The following ANKS1B variants were observed in gnomAD, a reference collection of about 807,000 sequenced individuals.
The protein encoded by ANKS1B is ankyrin repeat and sterile alpha motif domain-containing protein 1B.
In ANKS1B, 36 loss-of-function variants were observed where a neutral mutation model predicts 148.3. The observed-to-expected ratio is 0.24, with a 90% CI of 0.19 to 0.32. ANKS1B has a LOEUF of 0.32. Among genes scored for constraint, ANKS1B ranks in the 10% least tolerant of loss-of-function variants. The probability of loss-of-function intolerance (pLI) is 1.00; values close to 1 mark genes in which losing one functional copy is unlikely to be tolerated. For synonymous variants in ANKS1B, 542 were observed against 560.8 expected (o/e 0.97, Z 0.47); for missense variants, 1,157 against 1,542.6 (o/e 0.75, Z 4.19).
At chr12:99,510,149 A>G (rs2096749969) in intron 9 of ANKS1B, among the ~76,000 whole-genome samples, 1 of 152,012 alleles carries the variant, frequency 6.6e-6, no homozygotes, top group South Asian at 2.1e-4. Flanking sequence ...AGATCACCCA[A>G]GAGCTCTGAT....
At chr12:99,833,535 AC>A (rs2084354286) in intron 1 of ANKS1B, among the ~76,000 whole-genome samples, 1 of 152,236 alleles carries the variant, frequency 6.6e-6, no homozygotes, top group South Asian at 2.1e-4. Context: ...TGAGGTTTCA[AC>A]CATGAACGAA....
chr12:98,864,129 CT>C (rs35024278), intron 17 of ANKS1B, among the ~76,000 whole-genome samples: 27,458 of 140,068 alleles, frequency 0.2, 2,648 homozygotes, highest in East Asian at 0.3. Context: ...GTCTGTGATG[CT>C]TTTTTTTTTT....
At chr12:98,894,612 C>T (rs961585797) in intron 17 of ANKS1B, 2 of 984,892 alleles carry the variant, frequency 2.0e-6, no homozygotes, top group Admixed American at 1.2e-4. Flanking sequence ...GCGAGGGGGC[C>T]GCTGTGCCGC....
chr12:99,819,932 G>C (rs943531217), intron 2 of ANKS1B, among the ~76,000 whole-genome samples: 5 of 151,644 alleles, frequency 3.3e-5, no homozygotes, highest in African/African-American at 7.3e-5. Context: ...AAGGTAGAGA[G>C]GAAGGCAGGT....
At chr12:99,785,531 G>C (rs1370457298) in intron 4 of ANKS1B, among the ~76,000 whole-genome samples, 1 of 151,876 alleles carries the variant, frequency 6.6e-6, no homozygotes, top group African/African-American at 2.4e-5. Context: ...TCTCCCAGGT[G>C]CAAGCGATTC....
At chr12:99,877,368 T>A (rs2092180245) in intron 1 of ANKS1B, among the ~76,000 whole-genome samples, 3 of 152,168 alleles carry the variant, frequency 2.0e-5, no homozygotes, top group Admixed American at 2.0e-4. Context: ...AGATAATCTA[T>A]TTTTCCCCAT....
intron 12 of ANKS1B, among the ~76,000 whole-genome samples, chr12:99,257,888 T>TCCCATC (rs2075460367): frequency 6.6e-6 from 1 of 152,152 alleles, no homozygotes; most frequent in Non-Finnish European, 1.5e-5. Flanking sequence ...ACACTATTAT[T>TCCCATC]CCCATCTGCA....
At chr12:99,400,042 T>G (rs2094359435) in intron 11 of ANKS1B, among the ~76,000 whole-genome samples, 1 of 152,138 alleles carries the variant, frequency 6.6e-6, no homozygotes, top group Non-Finnish European at 1.5e-5. Context: ...TAGGTTAGGC[T>G]TTTCATTTGC....
intron 9 of ANKS1B, among the ~76,000 whole-genome samples, chr12:99,535,683 C>T (rs1480151629): frequency 1.3e-5 from 2 of 152,068 alleles, no homozygotes; most frequent in Non-Finnish European, 2.9e-5. Flanking sequence ...ACATGCCTTA[C>T]CTCACAATTC....
intron 17 of ANKS1B, among the ~76,000 whole-genome samples, chr12:98,966,033 C>A (rs546413167): frequency 6.6e-6 from 1 of 152,070 alleles, no homozygotes; most frequent in African/African-American, 2.4e-5. Context: ...GCAACAAAAG[C>A]CAAAATTGAC....
intron 17 of ANKS1B, among the ~76,000 whole-genome samples, chr12:99,000,378 C>T (rs2099932263): frequency 6.7e-6 from 1 of 148,342 alleles, no homozygotes; most frequent in Non-Finnish European, 1.5e-5. Flanking sequence ...AAGCAATTCT[C>T]TTGCCTCAGC....
intron 16 of ANKS1B, among the ~76,000 whole-genome samples, chr12:99,070,830 A>AT (rs2153586072): frequency 6.6e-6 from 1 of 152,106 alleles, no homozygotes; most frequent in South Asian, 2.1e-4. Context: ...TGCCTGGCTA[A>AT]TTTTTTAATT....
intron 5 of ANKS1B, among the ~76,000 whole-genome samples, chr12:99,781,615 ATC>A (rs1260009112): frequency 6.6e-6 from 1 of 152,180 alleles, no homozygotes; most frequent in African/African-American, 2.4e-5. Context: ...GGGAACTCAA[ATC>A]TCTGTTTACC....
At chr12:99,742,835 CTCAA>C (rs1247845777) in intron 8 of ANKS1B, among the ~76,000 whole-genome samples, 1 of 61,452 alleles carries the variant, frequency 1.6e-5, no homozygotes, top group African/African-American at 5.9e-5. Flanking sequence ...GAGACTCTGT[CTCAA>C]AAAAAAAAAA....
At chr12:99,816,337 A>T (rs1032333937) in intron 2 of ANKS1B, among the ~76,000 whole-genome samples, 10 of 150,960 alleles carry the variant, frequency 6.6e-5, no homozygotes, top group African/African-American at 2.4e-4. Flanking sequence ...TGATGGGATT[A>T]TTTGTTTTTT....
chr12:99,041,770 A>G (rs963132942), intron 17 of ANKS1B, among the ~76,000 whole-genome samples: 1 of 152,140 alleles, frequency 6.6e-6, no homozygotes, highest in Non-Finnish European at 1.5e-5. Context: ...GGATGCCTAC[A>G]TAGGAGGATC....
At chr12:99,102,228 C>A (rs756319017) in intron 15 of ANKS1B, among the ~76,000 whole-genome samples, 2 of 152,080 alleles carry the variant, frequency 1.3e-5, no homozygotes, top group Non-Finnish European at 2.9e-5. Context: ...TAAAATACAG[C>A]AGCTCATGAG....
intron 17 of ANKS1B, 112 bp from the exon 18 acceptor site, chr12:98,832,248 G>A: frequency 1.3e-6 from 1 of 788,460 alleles, no homozygotes; most frequent in African/African-American, 1.7e-5. Flanking sequence ...CCTGCACCAT[G>A]AGATGTGGTG....
chr12:99,149,751 A>T (rs970741972), intron 15 of ANKS1B, among the ~76,000 whole-genome samples: 2 of 152,238 alleles, frequency 1.3e-5, no homozygotes, highest in Admixed American at 6.5e-5. Flanking sequence ...CAGTGTTTTG[A>T]TATCATCAGT....
Sources: gnomAD v4.1 joint callset for allele counts (sites outside exome capture counted in the v4.1 genomes callset) on GRCh38, gnomAD v4.1.1 for gene constraint, MANE v1.5 for transcripts, NCBI Gene and HGNC (gene_info 2026-07-23, HGNC 2026-07-21) for gene names.